BPI: variants seen among roughly 807,000 people sequenced by gnomAD.
BPI encodes bactericidal permeability increasing protein, also known as bactericidal permeability-increasing protein.
Under a neutral mutation model 57.6 loss-of-function variants are expected in BPI, and 48 were observed. The ratio of observed to expected loss-of-function variants is 0.83; its 90% CI spans 0.66 to 1.06. The LOEUF (loss-of-function observed/expected upper bound fraction) is 1.06. Among genes scored for constraint, BPI ranks in the 50% least tolerant of loss-of-function variants. The pLI is 0.00. For missense variants in BPI, 651 were observed against 609.7 expected (o/e 1.07, Z -0.71); for synonymous variants, 237 against 238.2 (o/e 0.99, Z 0.05).
At chr20:38,322,807 A>G (rs2076693159) in intron 7 of BPI, among the ~76,000 whole-genome samples, 1 of 152,124 alleles carries the variant, frequency 6.6e-6, no homozygotes, top group South Asian at 2.1e-4. Context: ...ATGGGGTTTC[A>G]CCGTGTTGGC....
In BPI at chr20:38,326,320, CG is replaced by C. The variant is rs769604237; in HGVS notation, c.1050del (p.Pro351HisfsTer34). 2.5e-6 allele frequency: 4 copies of C among 1,614,012 alleles called. No homozygotes were observed. The Admixed American group carries it at 5.0e-5, about 20-fold the overall frequency. On this transcript the variant is annotated frameshift_variant, in exon 10 of 15. Transcript: ENST00000642449. LOFTEE classifies it high-confidence loss of function. The stretch of plus-strand genomic sequence containing the variant: ...CAGATCCATGTCTCAGCCTCCACCC[CG>C]CCACACCTGTCTGTGCAGCCCACCG... Reference protein sequence around the residue: ...KIQIHVSASTPPHLSVQPTGL... With the variant: ...KIQIHVSASTXPHLSVQPTGL...
intron 12 of BPI, among the ~76,000 whole-genome samples, chr20:38,332,744 G>A (rs370408255): frequency 1.3e-5 from 2 of 152,084 alleles, no homozygotes; most frequent in East Asian, 1.9e-4. Flanking sequence ...TAGGTGGTTC[G>A]CCTGCCCAGG....
At position 38,310,523 on chromosome 20, in the gene BPI, A is replaced by C. The variant is rs558797206; in HGVS notation, c.407A>C (p.Glu136Ala). 6.2e-6 allele frequency: 10 copies of C among 1,614,144 alleles called. No individual in the cohort carries two copies. ...AGCGGCAATTTTGACCTGAGCATAG[A>C]AGGCATGTCCATTTCGGCTGATCTG... ...KMSGNFDLSIEGMSISADLKL... is the reference protein window; with the variant it reads ...KMSGNFDLSIAGMSISADLKL... Residue 136 changes from glutamate (E) to alanine (A), a missense_variant, in exon 4 of 15, where the codon GAA becomes GCA. Coordinates refer to ENST00000642449, the MANE Select transcript of BPI (RefSeq NM_001725.3).
chr20:38,307,411 C>T (rs1034346409), intron 1 of BPI, among the ~76,000 whole-genome samples, 156 bp from the exon 2 acceptor site: 1 of 152,158 alleles, frequency 6.6e-6, no homozygotes, highest in African/African-American at 2.4e-5. Context: ...TACTATTTGG[C>T]CTTTTCTAGG....
chr20:38,327,723 T>C lies in BPI; in HGVS notation c.1229+68T>C, dbSNP rs5743529. 0.036 allele frequency: 55,819 copies of C among 1,540,652 alleles called. 6,063 individuals are homozygous for C. The East Asian group carries it at 0.45, about 12-fold the overall frequency. The stretch of plus-strand genomic sequence containing the variant: ...CTTGGTGTCTGTGGGATGACAGTGG[T>C]CCTGTGATATACAGAAGCACTGCAT... On this transcript the variant is annotated intron_variant, in intron 11 of 14. Transcript: ENST00000642449.
At position 38,311,933 on chromosome 20, in the gene BPI, G is replaced by A; in HGVS notation, c.596G>A (p.Ser199Asn). The A allele has an allele frequency of 3.7e-6, 6 of 1,613,874 alleles. No individual in the cohort carries two copies. Among genetic ancestry groups the A allele is most frequent in the Non-Finnish European group, 5.1e-6 (6 of 1,179,946 alleles). Residue 199 changes from serine to asparagine, a missense_variant, in exon 5 of 15, where the codon AGC becomes AAC. By Grantham distance (46) the Ser-to-Asn change is conservative. Coordinates refer to ENST00000642449, the MANE Select transcript of BPI (RefSeq NM_001725.3). ...IESALRNKMNSQVCEKVTNSV... is the reference protein window; with the variant it reads ...IESALRNKMNNQVCEKVTNSV... ...TCTGCGCTTCGAAACAAGATGAACA[G>A]CCAGGTAGGAGGGGCTCAGAGCCCC...
chr20:38,317,282 T>G (rs2076656850), intron 5 of BPI, among the ~76,000 whole-genome samples: 1 of 152,154 alleles, frequency 6.6e-6, no homozygotes, highest in Non-Finnish European at 1.5e-5. Context: ...ACTCAAAATT[T>G]GGTATCATAA....
At chr20:38,333,150 C>A (rs1432990830) in intron 12 of BPI, among the ~76,000 whole-genome samples, 1 of 152,032 alleles carries the variant, frequency 6.6e-6, no homozygotes, top group African/African-American at 2.4e-5. Context: ...AATGAAAGGA[C>A]CAAATGCAAC....
intron 14 of BPI, 101 bp from the exon 15 acceptor site, chr20:38,337,045 A>G (rs2076770970): frequency 8.1e-7 from 1 of 1,227,478 alleles, no homozygotes; most frequent in Admixed American, 2.1e-5. Context: ...CCTTCCTAAG[A>G]GGCAGGCTCC....
chr20:38,310,522 G>C lies in BPI; in HGVS notation c.406G>C (p.Glu136Gln), dbSNP rs5743506. ...KMSGNFDLSI[E>Q]GMSISADLKL... Reference sequence around the variant, plus strand: ...GAGCGGCAATTTTGACCTGAGCATAGAAGGCATGTCCATTTCGGCTGATCT... The same window carrying C: ...GAGCGGCAATTTTGACCTGAGCATACAAGGCATGTCCATTTCGGCTGATCT... Residue 136 changes from glutamate (E) to glutamine (Q), a missense_variant, in exon 4 of 15, where the codon GAA becomes CAA. Transcript: ENST00000642449. The C allele has an allele frequency of 8.0e-4, 1,288 of 1,614,100 alleles. 13 individuals are homozygous for C. The African/African-American group carries it at 0.014, about 18-fold the overall frequency.
chr20:38,305,358 A>C (rs1435430346), intron 1 of BPI, among the ~76,000 whole-genome samples: 4 of 152,174 alleles, frequency 2.6e-5, no homozygotes, highest in Non-Finnish European at 5.9e-5. Flanking sequence ...ATGCTCCGTC[A>C]TAGCAGCCTG....
chr20:38,317,237 C>T (rs1382568149), intron 5 of BPI, among the ~76,000 whole-genome samples: 2 of 152,176 alleles, frequency 1.3e-5, no homozygotes, highest in Non-Finnish European at 1.5e-5. Flanking sequence ...GGTTTAAATC[C>T]TATATTCTAG....
intron 7 of BPI, among the ~76,000 whole-genome samples, chr20:38,322,591 C>T (rs1299257454): frequency 6.6e-6 from 1 of 152,182 alleles, no homozygotes; most frequent in Non-Finnish European, 1.5e-5. Context: ...AAGATAAATC[C>T]TAGTCAGTAC....
rs369264578 is a variant in BPI at position 38,318,430 on chromosome 20, C to T, written c.618C>T (p.Thr206=). Residue 206 remains threonine (T), a synonymous_variant, in exon 6 of 15, where the codon ACC becomes ACT. Transcript: ENST00000642449. ...CTCCCCAGGTCTGCGAGAAAGTGAC[C>T]AATTCTGTATCCTCCGAGCTGCAAC... ...KMNSQVCEKV[T]NSVSSELQPY... 6.2e-7 allele frequency: 1 copy of T among 1,613,670 alleles called. No homozygotes were observed. Among genetic ancestry groups the T allele is most frequent in the Non-Finnish European group, 8.5e-7 (1 of 1,179,692 alleles).
intron 10 of BPI, 175 bp downstream of exon 10, chr20:38,326,607 C>T: frequency 1.5e-6 from 1 of 670,090 alleles, no homozygotes; most frequent in South Asian, 3.1e-5. Context: ...GGTATTCATT[C>T]ACCCAGCCAT....
chr20:38,334,653 A>G (rs574238885), intron 13 of BPI, among the ~76,000 whole-genome samples, 160 bp downstream of exon 13: 165 of 152,318 alleles, frequency 1.1e-3, no homozygotes, highest in African/African-American at 3.4e-3. Context: ...GAATGCAACA[A>G]AAAGGAACTC....
intron 1 of BPI, among the ~76,000 whole-genome samples, chr20:38,304,654 A>T (rs916580290): frequency 6.6e-6 from 1 of 152,122 alleles, no homozygotes; most frequent in Non-Finnish European, 1.5e-5. Context: ...TTGACTTATA[A>T]GCCCTTCTCT....
intron 1 of BPI, among the ~76,000 whole-genome samples, chr20:38,306,396 C>T (rs115031559): frequency 0.014 from 2,074 of 152,302 alleles, 47 homozygotes; most frequent in African/African-American, 0.048. Context: ...AAGGGACACA[C>T]GAGTAAATAA....
chr20:38,322,671 C>T (rs575520086), intron 7 of BPI, among the ~76,000 whole-genome samples: 1 of 152,144 alleles, frequency 6.6e-6, no homozygotes, highest in Non-Finnish European at 1.5e-5. Context: ...AGTGCAATGG[C>T]GCGACCTCCA....
Sources: allele counts gnomAD v4.1 joint callset (sites outside exome capture counted in the v4.1 genomes callset), GRCh38; gene constraint gnomAD v4.1.1; transcripts MANE v1.5; gene names NCBI Gene and HGNC (gene_info 2026-07-23, HGNC 2026-07-21).